Variants in HS6ST3 observed in about 807,000 individuals in gnomAD.
The protein encoded by HS6ST3 is heparan-sulfate 6-O-sulfotransferase 3.
A neutral mutation model predicts 36.7 loss-of-function variants in HS6ST3; 12 were observed. The ratio of observed to expected loss-of-function variants is 0.33; its 90% CI spans 0.21 to 0.53. The LOEUF is 0.53. Among genes scored for constraint, HS6ST3 ranks in the 20% least tolerant of loss-of-function variants. The pLI, the probability that HS6ST3 is intolerant of heterozygous loss-of-function variation, is 0.95. For missense variants in HS6ST3, 584 were observed against 640.9 expected (o/e 0.91, Z 0.96); for synonymous variants, 240 against 257.5 (o/e 0.93, Z 0.65).
chr13:96,155,529 A>G (rs1238896728), intron 1 of HS6ST3, among the ~76,000 whole-genome samples: 1 of 152,170 alleles, frequency 6.6e-6, no homozygotes, highest in African/African-American at 2.4e-5. Context: ...GGGATAATTT[A>G]TACAATAAAA....
At position 96,211,409 on chromosome 13, in the gene HS6ST3, C is replaced by T. The variant is rs529472774; in HGVS notation, c.707+119840C>T. Among the ~76,000 whole-genome samples the T allele has an allele frequency of 9.9e-5, 15 of 152,276 alleles. 2 individuals carry two copies. The highest frequency in any genetic ancestry group is 3.6e-4 in the African/African-American group (15 of 41,558). On this transcript the variant is annotated intron_variant, in intron 1 of 1. Transcript: ENST00000376705. The stretch of plus-strand genomic sequence containing the variant: ...TGGAGTTGCCTCACTGGTGTGCACC[C>T]CAGTGATAACCCCACGACTACAATG...
chr13:96,593,651 C>A lies in HS6ST3; in HGVS notation c.708-238839C>A, dbSNP rs560173301. Among the ~76,000 whole-genome samples the A allele has an allele frequency of 4.6e-5, 7 of 151,734 alleles. No individual in the cohort carries two copies. The South Asian group carries it at 1.5e-3, about 32-fold the overall frequency. ...CTTGATTCTTTTTACTTATTTCAATCATTTGTTAAATTTATCTGATAAAAT... is the reference window on the plus strand; with the variant it reads ...CTTGATTCTTTTTACTTATTTCAATAATTTGTTAAATTTATCTGATAAAAT... On this transcript the variant is annotated intron_variant, in intron 1 of 1. Transcript: ENST00000376705.
chr13:96,751,634 C>T (rs1876702784), intron 1 of HS6ST3, among the ~76,000 whole-genome samples: 1 of 151,886 alleles, frequency 6.6e-6, no homozygotes, highest in African/African-American at 2.4e-5. Context: ...TTAAATAAAG[C>T]CTGGACTCCT....
chr13:96,132,868 G>A (rs185176138), intron 1 of HS6ST3, among the ~76,000 whole-genome samples: 2 of 152,168 alleles, frequency 1.3e-5, no homozygotes, highest in East Asian at 1.9e-4. Flanking sequence ...TTTCCCTGAC[G>A]ATTAGTAATG....
At chr13:96,521,093 A>G (rs1225713580) in intron 1 of HS6ST3, among the ~76,000 whole-genome samples, 1 of 152,216 alleles carries the variant, frequency 6.6e-6, no homozygotes, top group Non-Finnish European at 1.5e-5. Context: ...CCTTTTCTGC[A>G]TCTATTGAGA....
chr13:96,532,057 G>C (rs2056137858), intron 1 of HS6ST3, among the ~76,000 whole-genome samples: 1 of 152,104 alleles, frequency 6.6e-6, no homozygotes, highest in Non-Finnish European at 1.5e-5. Context: ...AGCCCTACCT[G>C]GTCCCCAGCA....
At chr13:96,243,957 G>C (rs2054573202) in intron 1 of HS6ST3, among the ~76,000 whole-genome samples, 1 of 151,790 alleles carries the variant, frequency 6.6e-6, no homozygotes, top group African/African-American at 2.4e-5. Flanking sequence ...ATCTCCTTCT[G>C]ATAAGCCTTT....
intron 1 of HS6ST3, among the ~76,000 whole-genome samples, chr13:96,173,189 TC>T (rs1594703665): frequency 6.6e-6 from 1 of 152,130 alleles, no homozygotes; most frequent in East Asian, 1.9e-4. Flanking sequence ...GATAAATATG[TC>T]ATTTTAGATA....
chr13:96,631,719 C>T (rs2056532606), intron 1 of HS6ST3, among the ~76,000 whole-genome samples: 1 of 152,166 alleles, frequency 6.6e-6, no homozygotes, highest in South Asian at 2.1e-4. Context: ...AAGGTTTTCT[C>T]CAAGTAATAT....
intron 1 of HS6ST3, among the ~76,000 whole-genome samples, chr13:96,425,032 T>C (rs1292355425): frequency 2.0e-5 from 3 of 152,294 alleles, no homozygotes; most frequent in Admixed American, 6.5e-5. Flanking sequence ...TTTGCTGATA[T>C]GATCTATCTG....
intron 1 of HS6ST3, among the ~76,000 whole-genome samples, chr13:96,498,009 A>C (rs1385694941): frequency 6.6e-6 from 1 of 152,114 alleles, no homozygotes; most frequent in Non-Finnish European, 1.5e-5. Context: ...ATGGTTATAT[A>C]CCCTTCTTCT....
At chr13:96,571,511 A>G (rs946743862) in intron 1 of HS6ST3, among the ~76,000 whole-genome samples, 4 of 152,208 alleles carry the variant, frequency 2.6e-5, no homozygotes, top group Non-Finnish European at 4.4e-5. Flanking sequence ...GTTCCTCTTT[A>G]TTAATAAGTT....
intron 1 of HS6ST3, among the ~76,000 whole-genome samples, chr13:96,769,769 TGTGTGC>T (rs1360804810): frequency 6.2e-5 from 9 of 145,254 alleles, no homozygotes; most frequent in Non-Finnish European, 7.6e-5. Context: ...TGTGTGTGTG[TGTGTGC>T]GCACATATGT....
At chr13:96,662,810 T>C (rs2056650998) in intron 1 of HS6ST3, among the ~76,000 whole-genome samples, 1 of 152,162 alleles carries the variant, frequency 6.6e-6, no homozygotes, top group Non-Finnish European at 1.5e-5. Flanking sequence ...CTTGAGAGTG[T>C]GACTTTATAT....
At chr13:96,770,960 C>T (rs1331019294) in intron 1 of HS6ST3, among the ~76,000 whole-genome samples, 2 of 152,130 alleles carry the variant, frequency 1.3e-5, no homozygotes, top group Non-Finnish European at 2.9e-5. Context: ...TAAAAGAACA[C>T]AGGGTATATA....
chr13:96,459,392 T>C (rs1212879056), intron 1 of HS6ST3, among the ~76,000 whole-genome samples: 1 of 152,048 alleles, frequency 6.6e-6, no homozygotes, highest in East Asian at 1.9e-4. Flanking sequence ...GGCTTGCTTC[T>C]CATGAGATCA....
chr13:96,302,951 G>A (rs2054891166), intron 1 of HS6ST3, among the ~76,000 whole-genome samples: 1 of 152,012 alleles, frequency 6.6e-6, no homozygotes, highest in Non-Finnish European at 1.5e-5. Context: ...AGTTTCATTG[G>A]AACACAGCCA....
At chr13:96,532,384 T>G (rs1332096718) in intron 1 of HS6ST3, among the ~76,000 whole-genome samples, 1 of 152,250 alleles carries the variant, frequency 6.6e-6, no homozygotes, top group Non-Finnish European at 1.5e-5. Flanking sequence ...AGTTTGCATA[T>G]GCAAATGTGT....
chr13:96,625,754 A>ATAAT (rs2056509909), intron 1 of HS6ST3, among the ~76,000 whole-genome samples: 1 of 151,802 alleles, frequency 6.6e-6, no homozygotes, highest in African/African-American at 2.4e-5. Context: ...TTTTTGGCAC[A>ATAAT]TATATGAGTT....
Sources: gnomAD v4.1 joint callset for allele counts (sites outside exome capture counted in the v4.1 genomes callset) on GRCh38, gnomAD v4.1.1 for gene constraint, MANE v1.5 for transcripts, NCBI Gene and HGNC (gene_info 2026-07-23, HGNC 2026-07-21) for gene names.